CMYA5: variants seen among roughly 807,000 people sequenced by gnomAD.
CMYA5 encodes the protein cardiomyopathy-associated protein 5.
Under a neutral mutation model 318.9 loss-of-function variants are expected in CMYA5, and 246 were observed. The ratio of observed to expected loss-of-function variants is 0.77; its 90% CI spans 0.70 to 0.86. The LOEUF (loss-of-function observed/expected upper bound fraction) is 0.86, where lower values mean the gene tolerates loss of function less well. CMYA5 is among the 40% of genes least tolerant of loss of function. The probability of loss-of-function intolerance (pLI) is 0.00; values close to 1 mark genes in which losing one functional copy is unlikely to be tolerated. For synonymous variants in CMYA5, 1,641 were observed against 1,729.5 expected (o/e 0.95, Z 1.27); for missense variants, 4,589 against 4,678.2 (o/e 0.98, Z 0.56).
chr5:79,718,245 T>G (rs1448547013), intron 1 of CMYA5, among the ~76,000 whole-genome samples: 1 of 152,178 alleles, frequency 6.6e-6, no homozygotes, highest in Non-Finnish European at 1.5e-5. Flanking sequence ...TTTTTTCAGC[T>G]AAACACATTA....
intron 9 of CMYA5, among the ~76,000 whole-genome samples, chr5:79,770,621 C>T (rs1016566874): frequency 6.6e-6 from 1 of 152,124 alleles, no homozygotes; most frequent in Non-Finnish European, 1.5e-5. Context: ...GCTGCATCCA[C>T]TGAGATGAGC....
chr5:79,775,550 A>G (rs1056107424), intron 9 of CMYA5, among the ~76,000 whole-genome samples: 29 of 152,230 alleles, frequency 1.9e-4, no homozygotes, highest in African/African-American at 6.8e-4. Context: ...GGAGACAGCA[A>G]GAGGAAAAAA....
intron 1 of CMYA5, among the ~76,000 whole-genome samples, chr5:79,696,545 A>G (rs977840293): frequency 3.3e-5 from 5 of 152,212 alleles, no homozygotes; most frequent in African/African-American, 1.2e-4. Flanking sequence ...TCACTTGCTA[A>G]ATAGAAATTT....
rs759886149 is a variant in CMYA5, at chr5:79,786,789, T to G, written c.11556-2182T>G. ...AGGAAACGAACCATTTGTTCTAACC[T>G]TTTTTGCTTTGTTCTTGGTGCTTGA... On this transcript the variant is annotated intron_variant, in intron 9 of 12. Coordinates refer to ENST00000446378, the MANE Select transcript of CMYA5 (RefSeq NM_153610.5). Among the ~76,000 whole-genome samples the G allele has an allele frequency of 6.6e-4, 100 of 152,324 alleles. 1 individual carries two copies. Among genetic ancestry groups the G allele is most frequent in the Non-Finnish European group, 1.4e-3 (94 of 68,034 alleles).
In CMYA5 at chr5:79,742,243, G is replaced by A. The variant is rs111277817; in HGVS notation, c.10639-1584G>A. Among the ~76,000 whole-genome samples, 92 of 150,140 alleles carry A rather than the reference G, an allele frequency of 6.1e-4. 1 individual carries two copies. The highest frequency in any genetic ancestry group is 2.2e-3 in the African/African-American group (88 of 40,708). On this transcript the variant is annotated intron_variant, in intron 2 of 12. Coordinates refer to ENST00000446378, the MANE Select transcript of CMYA5 (RefSeq NM_153610.5). ...CTCACTCTGTTGCCCAGGGTAGAGT[G>A]CAGCGGCGTGATCATCATAGCTCGC...
At chr5:79,792,431 T>A (rs1041225684) in intron 11 of CMYA5, among the ~76,000 whole-genome samples, 2 of 152,202 alleles carry the variant, frequency 1.3e-5, no homozygotes, top group African/African-American at 4.8e-5. Context: ...AGTTCACAGA[T>A]AATAACTGAT....
In CMYA5 at chr5:79,692,787, T is replaced by A. The variant is rs566210620; in HGVS notation, c.149+2731T>A. 5.9e-5 allele frequency among the ~76,000 whole-genome samples: 9 copies of A among 152,354 alleles called. No individual in the cohort carries two copies. The South Asian group carries it at 1.9e-3, about 32-fold the overall frequency. ...CATTATTAGCAGGAAGGCTCTACCT[T>A]CTGCCCACCATTCATCCATGAAGGG... is the stretch of plus-strand genomic sequence containing the variant. On this transcript the variant is annotated intron_variant, in intron 1 of 12. Coordinates refer to ENST00000446378, the MANE Select transcript of CMYA5 (RefSeq NM_153610.5).
intron 9 of CMYA5, among the ~76,000 whole-genome samples, chr5:79,773,406 C>A (rs1199395805): frequency 6.6e-6 from 1 of 152,188 alleles, no homozygotes; most frequent in African/African-American, 2.4e-5. Context: ...TAGGACTAGT[C>A]TAATCTGTGG....
chr5:79,708,070 A>T (rs1561629519), intron 1 of CMYA5, among the ~76,000 whole-genome samples: 1 of 152,222 alleles, frequency 6.6e-6, no homozygotes, highest in Non-Finnish European at 1.5e-5. Flanking sequence ...CCAGCTATTA[A>T]TACTATCACA....
intron 1 of CMYA5, among the ~76,000 whole-genome samples, chr5:79,703,948 T>C (rs1007645634): frequency 6.6e-6 from 1 of 152,032 alleles, no homozygotes; most frequent in Non-Finnish European, 1.5e-5. Context: ...AAAAATTAGC[T>C]GGGCATCGTG....
chr5:79,742,728 G>A (rs1828242828), intron 2 of CMYA5, among the ~76,000 whole-genome samples: 1 of 150,828 alleles, frequency 6.6e-6, no homozygotes, highest in Non-Finnish European at 1.5e-5. Context: ...ATCTCCCATT[G>A]TGTGTCAGGA....
chr5:79,768,586 G>T (rs939501964), intron 9 of CMYA5, among the ~76,000 whole-genome samples: 6 of 152,188 alleles, frequency 3.9e-5, no homozygotes, highest in Non-Finnish European at 8.8e-5. Flanking sequence ...GTTCTGGGCT[G>T]AAAATTCTTT....
intron 9 of CMYA5, among the ~76,000 whole-genome samples, chr5:79,785,276 T>G (rs1298018355): frequency 6.6e-6 from 1 of 152,096 alleles, no homozygotes; most frequent in Non-Finnish European, 1.5e-5. Context: ...TATTTGCTAG[T>G]TTGTATTTGA....
At chr5:79,692,869 C>A in intron 1 of CMYA5, among the ~76,000 whole-genome samples, 1 of 152,270 alleles carries the variant, frequency 6.6e-6, no homozygotes, top group African/African-American at 2.4e-5. Flanking sequence ...TGTATTCATT[C>A]ATTCACTAAA....
chr5:79,750,458 A>C (rs1388752452), intron 5 of CMYA5, among the ~76,000 whole-genome samples: 1 of 152,244 alleles, frequency 6.6e-6, no homozygotes, highest in Non-Finnish European at 1.5e-5. Context: ...GGAGTCAAAC[A>C]GTACACATGG....
At chr5:79,690,103 C>T in intron 1 of CMYA5, 47 bp downstream of exon 1, 2 of 1,386,836 alleles carry the variant, frequency 1.4e-6, no homozygotes. Flanking sequence ...GGGCAGCTAG[C>T]AGCACCCTTG....
At chr5:79,796,404 G>C (rs768610181) in intron 12 of CMYA5, among the ~76,000 whole-genome samples, 3 of 151,868 alleles carry the variant, frequency 2.0e-5, no homozygotes, top group African/African-American at 4.8e-5. Flanking sequence ...AGATACACCA[G>C]AGTACCAAAC....
chr5:79,725,325 C>T (rs1827723310), intron 1 of CMYA5, among the ~76,000 whole-genome samples: 1 of 152,182 alleles, frequency 6.6e-6, no homozygotes, highest in African/African-American at 2.4e-5. Flanking sequence ...AATATGAATG[C>T]AGCTGGAGGC....
chr5:79,799,583 GA>G lies in CMYA5; in HGVS notation c.12178del (p.Ile4060Ter). 6.2e-7 allele frequency: 1 copy of G among 1,613,594 alleles called. No homozygotes were observed. Among genetic ancestry groups the G allele is most frequent in the Non-Finnish European group, 8.5e-7 (1 of 1,179,702 alleles). ...KPGKCTLHLGIEPPDSVRHK is the reference protein window; with the variant it reads ...KPGKCTLHLGXEPPDSVRHK Reference sequence around the variant, plus strand: ...CTGGAAAATGTACTTTGCACCTGGGGATAGAGCCCCCGGATTCTGTAAGGCA... The same window carrying G: ...CTGGAAAATGTACTTTGCACCTGGGGTAGAGCCCCCGGATTCTGTAAGGCA... On this transcript the variant is annotated frameshift_variant, in exon 13 of 13. Transcript: ENST00000446378. LOFTEE classifies it high-confidence loss of function.
Sources: allele counts gnomAD v4.1 joint callset (sites outside exome capture counted in the v4.1 genomes callset), GRCh38; gene constraint gnomAD v4.1.1; transcripts MANE v1.5; gene names NCBI Gene and HGNC (gene_info 2026-07-23, HGNC 2026-07-21).